Variants in STYXL2 observed in about 807,000 individuals in gnomAD.
STYXL2 encodes serine/threonine/tyrosine-interacting-like protein 2.
STYXL2 carries 44 observed loss-of-function variants against 52.4 expected under a neutral mutation model. The observed-to-expected ratio is 0.84, with a 90% CI of 0.66 to 1.08. The LOEUF is 1.08. Ranked by LOEUF, STYXL2 falls within the 50% of genes least tolerant of loss-of-function variation. The probability of loss-of-function intolerance (pLI) is 0.00; values close to 1 mark genes in which losing one functional copy is unlikely to be tolerated. For synonymous variants in STYXL2, 604 were observed against 586.9 expected, an observed-to-expected ratio of 1.03 and a Z score of -0.42; for missense variants, 1,604 against 1,471.7, an observed-to-expected ratio of 1.09 and a Z score of -1.47.
Position 167,096,252 on chromosome 1 carries a change from C to T in STYXL2, c.110+1293C>T, listed in dbSNP as rs534355130. On this transcript the variant is annotated intron_variant, in intron 2 of 5. Coordinates refer to ENST00000361200, the MANE Select transcript of STYXL2 (RefSeq NM_001080426.3). ...CAGCCTGGGCGACAGAGCGAGACTCCATCTCAAAAAAAAAGAAAAGAAAAT... is the reference window on the plus strand; with the variant it reads ...CAGCCTGGGCGACAGAGCGAGACTCTATCTCAAAAAAAAAGAAAAGAAAAT... Among the ~76,000 whole-genome samples, 4 of 151,664 alleles carry T rather than the reference C, an allele frequency of 2.6e-5. No individual in the cohort carries two copies. In the South Asian group the frequency reaches 6.3e-4, roughly 24 times the overall value.
intron 2 of STYXL2, among the ~76,000 whole-genome samples, chr1:167,108,350 T>C (rs957397085): frequency 1.3e-5 from 2 of 152,194 alleles, no homozygotes; most frequent in African/African-American, 4.8e-5. Context: ...GTTTAAGTCT[T>C]TACTGTCTTC....
At chr1:167,095,784 G>A (rs1041925648) in intron 2 of STYXL2, among the ~76,000 whole-genome samples, 1 of 152,110 alleles carries the variant, frequency 6.6e-6, no homozygotes, top group African/African-American at 2.4e-5. Flanking sequence ...GCCTTTAGTT[G>A]GAAGCGCCTA....
intron 2 of STYXL2, among the ~76,000 whole-genome samples, chr1:167,106,207 G>A (rs764262069): frequency 3.3e-5 from 5 of 152,242 alleles, no homozygotes; most frequent in Admixed American, 1.3e-4. Context: ...GAGTGCTCCC[G>A]GATGGATAAT....
At chr1:167,122,729 T>G (rs1381846041) in intron 5 of STYXL2, among the ~76,000 whole-genome samples, 1 of 152,108 alleles carries the variant, frequency 6.6e-6, no homozygotes, top group Non-Finnish European at 1.5e-5. Context: ...AATGCAGTAA[T>G]GTGACCTCAG....
At chr1:167,098,475 C>T (rs1202707284) in intron 2 of STYXL2, among the ~76,000 whole-genome samples, 1 of 151,848 alleles carries the variant, frequency 6.6e-6, no homozygotes, top group Admixed American at 6.6e-5. Context: ...GGCCCTGTCT[C>T]AAAAAATAAA....
Position 167,128,303 on chromosome 1 carries a change from C to T in STYXL2, c.3172C>T (p.Gln1058Ter). The change falls in exon 6 of 6, where the codon CAG becomes TAG. Residue 1058 changes from glutamine (Q) to a stop codon, truncating the protein, a stop_gained. Transcript: ENST00000361200. LOFTEE classifies it high-confidence loss of function. ...SSEREESPEP[Q>*]RPNWARSRDW... The stretch of plus-strand genomic sequence containing the variant: ...AGAAAGGGAAGAGTCCCCAGAACCA[C>T]AGCGCCCAAATTGGGCCAGGTCCAG... 1 of 1,614,028 alleles carries T rather than the reference C, an allele frequency of 6.2e-7. No homozygotes were observed. Among genetic ancestry groups the T allele is most frequent in the Non-Finnish European group, 8.5e-7 (1 of 1,179,926 alleles).
chr1:167,127,172 A>T lies in STYXL2; in HGVS notation c.2041A>T (p.Thr681Ser). Residue 681 changes from threonine (T) to serine (S), a missense_variant, in exon 6 of 6, where the codon ACC (threonine) becomes TCC (serine). Coordinates refer to ENST00000361200, the MANE Select transcript of STYXL2 (RefSeq NM_001080426.3). ...ADGDTTSVLS[T>S]QSHRSHLSQA... ...TGGGGACACGACGTCAGTACTGAGC[A>T]CCCAGAGCCACCGCTCCCACCTGTC... 6.2e-7 allele frequency: 1 copy of T among 1,614,018 alleles called. No individual in the cohort carries two copies. The highest frequency in any genetic ancestry group is 1.1e-5 in the South Asian group (1 of 91,068).
At chr1:167,109,444 G>T (rs1167685086) in intron 2 of STYXL2, among the ~76,000 whole-genome samples, 1 of 152,146 alleles carries the variant, frequency 6.6e-6, no homozygotes, top group Non-Finnish European at 1.5e-5. Flanking sequence ...CCTGTATGAT[G>T]CAGCAGAGGC....
Position 167,126,333 on chromosome 1 carries a change from A to G in STYXL2, c.1202A>G (p.Glu401Gly), listed in dbSNP as rs1667964669. 6.6e-7 allele frequency: 1 copy of G among 1,522,366 alleles called. No homozygotes were observed. Among genetic ancestry groups the G allele is most frequent in the African/African-American group, 1.4e-5 (1 of 72,350 alleles). The allele number at this position is 1,522,366 out of a possible 1,614,324, so 94.3% of individuals were successfully genotyped here. The change falls in exon 6 of 6, where the codon GAG (glutamate) becomes GGG (glycine). Residue 401 changes from glutamate (E) to glycine (G), a missense_variant. Glu to Gly is a moderately conservative substitution (Grantham distance 98). Transcript: ENST00000361200. ...ATCCAGGAGTGGCAGAGCCGAAACG[A>G]GAGGTACCAAGCAGAAGGGTACCGG... ...RIIQEWQSRN[E>G]RYQAEGYRRW... is the part of the protein sequence containing the mutation.
At chr1:167,118,590 A>G (rs567953959) in intron 4 of STYXL2, among the ~76,000 whole-genome samples, 209 of 152,306 alleles carry the variant, frequency 1.4e-3, no homozygotes, top group East Asian at 2.1e-3. Flanking sequence ...ATCCTCAGCT[A>G]AAAGCTTTTG....
intron 2 of STYXL2, among the ~76,000 whole-genome samples, chr1:167,096,281 G>A (rs1667283805): frequency 6.6e-6 from 1 of 152,006 alleles, no homozygotes; most frequent in Non-Finnish European, 1.5e-5. Context: ...AGAAAATTCA[G>A]CATTATGGTC....
At chr1:167,096,828 T>A (rs942105917) in intron 2 of STYXL2, among the ~76,000 whole-genome samples, 3 of 152,170 alleles carry the variant, frequency 2.0e-5, no homozygotes, top group African/African-American at 7.2e-5. Flanking sequence ...TCCCCACCTA[T>A]AGAACATGTT....
chr1:167,127,970 A>T lies in STYXL2; in HGVS notation c.2839A>T (p.Lys947Ter). 6.2e-7 allele frequency: 1 copy of T among 1,614,186 alleles called. No homozygotes were observed. Among genetic ancestry groups the T allele is most frequent in the Non-Finnish European group, 8.5e-7 (1 of 1,180,028 alleles). Residue 947 changes from lysine (K) to a stop codon, truncating the protein, a stop_gained, in exon 6 of 6, where the codon AAA becomes TAA. Coordinates refer to ENST00000361200, the MANE Select transcript of STYXL2 (RefSeq NM_001080426.3). LOFTEE classifies it high-confidence loss of function. ...GCTCAGTGGCCTCAGGACGGAGGAA[A>T]AACCTCCTTTCCAAAGTGACTGGTC... ...KWLSGLRTEE[K>*]PPFQSDWSGS...
intron 2 of STYXL2, among the ~76,000 whole-genome samples, chr1:167,112,337 A>G (rs1667636452): frequency 6.6e-6 from 1 of 152,154 alleles, no homozygotes; most frequent in Admixed American, 6.5e-5. Flanking sequence ...GACACTGAGC[A>G]CACCATTCTC....
chr1:167,106,227 G>A (rs1019652960), intron 2 of STYXL2, among the ~76,000 whole-genome samples: 4 of 152,172 alleles, frequency 2.6e-5, no homozygotes, highest in Non-Finnish European at 5.9e-5. Context: ...TCCCAGGCCA[G>A]GATCCTGGCA....
In STYXL2 at chr1:167,127,371, G is replaced by C; in HGVS notation, c.2240G>C (p.Arg747Pro). 6.2e-7 allele frequency: 1 copy of C among 1,614,136 alleles called. No individual in the cohort carries two copies. The highest frequency in any genetic ancestry group is 1.6e-4 in the Middle Eastern group (1 of 6,062). The change falls in exon 6 of 6, where the codon CGC becomes CCC. Residue 747 changes from arginine to proline, a missense_variant. By Grantham distance (103) the Arg-to-Pro change is moderately radical. Transcript: ENST00000361200. The part of the protein sequence containing the change: ...QKQNEMLLLS[R>P]SPSVASMKAV... ...CAAAATGAAATGCTGCTGTTGTCCCGCTCACCGTCTGTTGCAAGCATGAAG... is the reference window on the plus strand; with the variant it reads ...CAAAATGAAATGCTGCTGTTGTCCCCCTCACCGTCTGTTGCAAGCATGAAG...
intron 2 of STYXL2, among the ~76,000 whole-genome samples, chr1:167,097,951 C>T (rs1667324961): frequency 1.3e-5 from 2 of 151,026 alleles, no homozygotes; most frequent in Non-Finnish European, 1.5e-5. Flanking sequence ...TTGCTTGAGG[C>T]CCCGAGTTTC....
intron 5 of STYXL2, among the ~76,000 whole-genome samples, chr1:167,124,333 A>C (rs1347372408): frequency 6.6e-6 from 1 of 152,194 alleles, no homozygotes; most frequent in East Asian, 1.9e-4. Context: ...CTGTGTGACC[A>C]AGACATGACC....
chr1:167,104,836 A>G (rs547512951), intron 2 of STYXL2, among the ~76,000 whole-genome samples: 69 of 152,226 alleles, frequency 4.5e-4, no homozygotes, highest in Admixed American at 1.0e-3. Context: ...TTCACTTCCA[A>G]GGGACTCCTT....
Sources: allele counts gnomAD v4.1 joint callset (sites outside exome capture counted in the v4.1 genomes callset), GRCh38; gene constraint gnomAD v4.1.1; transcripts MANE v1.5; gene names NCBI Gene and HGNC (gene_info 2026-07-23, HGNC 2026-07-21).